The following TUBGCP4 variants were observed in gnomAD, a reference collection of about 807,000 sequenced individuals.
TUBGCP4 encodes tubulin gamma complex component 4.
TUBGCP4 carries 54 observed loss-of-function variants against 91.6 expected under a neutral mutation model. That is an observed-to-expected ratio of 0.59 (90% CI 0.47 to 0.74). The LOEUF is 0.74. TUBGCP4 is among the 30% of genes least tolerant of loss of function. The pLI is 0.00. For missense variants in TUBGCP4, 593 were observed against 800.9 expected (o/e 0.74, Z 3.13); for synonymous variants, 297 against 302.8 (o/e 0.98, Z 0.20).
At chr15:43,377,107 A>C (rs773542953) in intron 4 of TUBGCP4, 40 bp downstream of exon 4, 2 of 1,520,348 alleles carry the variant, frequency 1.3e-6, no homozygotes, top group Non-Finnish European at 1.8e-6. Context: ...CAATCTGTTG[A>C]TAGTGTTAGA....
At chr15:43,386,442 TGGTC>T (rs1456136262) in intron 9 of TUBGCP4, 112 bp downstream of exon 9, 3 of 148,698 alleles carry the variant, frequency 2.0e-5, no homozygotes, top group African/African-American at 8.1e-5. Flanking sequence ...TTGAGTTACT[TGGTC>T]GGGCGCAGTG....
rs2044644237 is a variant in TUBGCP4, at chr15:43,400,039, C to G, written c.1419-5C>G. 6.2e-7 allele frequency: 1 copy of G among 1,604,648 alleles called. No homozygotes were observed. The highest frequency in any genetic ancestry group is 1.3e-5 in the African/African-American group (1 of 74,804). ...GTCTTGAATATCCTGTTATTTCTGT[C>G]CTAGGTACAATGTTGTTTTTAAGTA... is the stretch of plus-strand genomic sequence containing the variant. On this transcript the variant is annotated splice_region_variant and splice_polypyrimidine_tract_variant and intron_variant, in intron 13 of 17. Transcript: ENST00000564079.
At chr15:43,382,954 C>T (rs1471389485) in intron 6 of TUBGCP4, among the ~76,000 whole-genome samples, 1 of 152,200 alleles carries the variant, frequency 6.6e-6, no homozygotes, top group East Asian at 1.9e-4. Context: ...CAAAAAGAGA[C>T]TCCATTAAGT....
In TUBGCP4 at chr15:43,407,968, C is replaced by T. The variant is rs749743816; in HGVS notation, c.*2754C>T. 2 of 1,613,554 alleles carry T rather than the reference C, an allele frequency of 1.2e-6. No individual in the cohort carries two copies. Among genetic ancestry groups the T allele is most frequent in the Admixed American group, 1.7e-5 (1 of 60,008 alleles). On this transcript the variant is annotated 3_prime_UTR_variant, in exon 18 of 18. Coordinates refer to ENST00000564079, the MANE Select transcript of TUBGCP4 (RefSeq NM_014444.5). Reference sequence around the variant, plus strand: ...CTTTGTTATGGGCACTTGAATGGTGCTGCTTCACAGAGGCTGCACCACCAG... The same window carrying T: ...CTTTGTTATGGGCACTTGAATGGTGTTGCTTCACAGAGGCTGCACCACCAG...
Position 43,405,537 on chromosome 15 carries a change from G to A in TUBGCP4, c.*323G>A, listed in dbSNP as rs540085911. 8.4e-5 allele frequency: 28 copies of A among 335,228 alleles called. No homozygotes were observed. Among genetic ancestry groups the A allele is most frequent in the Non-Finnish European group, 1.3e-4 (24 of 183,410 alleles). 20.8% of individuals were successfully genotyped at this position (335,228 alleles called of 1,614,324 possible). A position where few individuals can be genotyped will look rare whatever the true frequency, so the allele number is the denominator to read the frequency against. ...CCTTGGTACTGTTCAAGCTGTGGGA[G>A]ATACAGCGGTAAACAAACAATATAG... On this transcript the variant is annotated 3_prime_UTR_variant, in exon 18 of 18. Coordinates refer to ENST00000564079, the MANE Select transcript of TUBGCP4 (RefSeq NM_014444.5).
In TUBGCP4 at chr15:43,407,895, C is replaced by G. The variant is rs12593128; in HGVS notation, c.*2681C>G. 9.5e-6 allele frequency: 15 copies of G among 1,574,856 alleles called. No individual in the cohort carries two copies. The highest frequency in any genetic ancestry group is 4.0e-5 in the African/African-American group (3 of 74,320). ...ACCACAAGGCCTAACACCTACAGGT[C>G]TAAGGAGATCCCTGGAACAAAGACA... On this transcript the variant is annotated 3_prime_UTR_variant, in exon 18 of 18. Transcript: ENST00000564079.
At chr15:43,389,009 C>A (rs2044425776) in intron 9 of TUBGCP4, among the ~76,000 whole-genome samples, 1 of 152,042 alleles carries the variant, frequency 6.6e-6, no homozygotes, top group Non-Finnish European at 1.5e-5. Flanking sequence ...CTATATTTGC[C>A]TTTGAGTCAA....
chr15:43,375,378 A>G (rs2044190735), intron 1 of TUBGCP4, among the ~76,000 whole-genome samples: 1 of 152,206 alleles, frequency 6.6e-6, no homozygotes, highest in Non-Finnish European at 1.5e-5. Context: ...TGAACTATAT[A>G]CTTAAAATAG....
intron 6 of TUBGCP4, among the ~76,000 whole-genome samples, chr15:43,381,165 C>G (rs1216672247): frequency 6.6e-6 from 1 of 152,156 alleles, no homozygotes; most frequent in Admixed American, 6.5e-5. Flanking sequence ...CAGAACATTC[C>G]TTAGGGACTT....
At chr15:43,399,895 T>G (rs936355759) in intron 13 of TUBGCP4, 149 bp from the exon 14 acceptor site, 3 of 542,492 alleles carry the variant, frequency 5.5e-6, no homozygotes. Context: ...ATAAATAAAT[T>G]ATAATTTATT....
intron 17 of TUBGCP4, 44 bp from the exon 18 acceptor site, chr15:43,405,158 T>TG: frequency 6.2e-7 from 1 of 1,612,076 alleles, no homozygotes; most frequent in Non-Finnish European, 8.5e-7. Flanking sequence ...AAGGTAGTCT[T>TG]GGGAAAGCAT....
intron 16 of TUBGCP4, 185 bp from the exon 17 acceptor site, chr15:43,404,228 C>A: frequency 1.6e-6 from 1 of 618,716 alleles, no homozygotes; most frequent in Non-Finnish European, 2.8e-6. Context: ...CATAGGAAGT[C>A]ATGCATGTAT....
Position 43,386,344 on chromosome 15 carries a change from CG to C in TUBGCP4, c.1014+15del. 4.1e-6 allele frequency: 1 copy of C among 243,222 alleles called. No individual in the cohort carries two copies. The highest frequency in any genetic ancestry group is 6.6e-6 in the Non-Finnish European group (1 of 151,012). The allele number at this position is 243,222 out of a possible 1,614,324, so 15.1% of individuals were successfully genotyped here. A position where few individuals can be genotyped will look rare whatever the true frequency, so the allele number is the denominator to read the frequency against. On this transcript the variant is annotated intron_variant, in intron 9 of 17. Coordinates refer to ENST00000564079, the MANE Select transcript of TUBGCP4 (RefSeq NM_014444.5). ...ACTGTGGCTGAGGTTTGTGTTTCAT[CG>C]TATATATATATATATATATATATAT...
Position 43,401,709 on chromosome 15 carries a change from C to CT in TUBGCP4, c.1597-6dup, listed in dbSNP as rs754386375. 1.2e-6 allele frequency: 2 copies of CT among 1,613,634 alleles called. No homozygotes were observed. Among genetic ancestry groups the CT allele is most frequent in the Middle Eastern group, 1.7e-4 (1 of 6,058 alleles). ...AAAGTGCTAAAATTTTTTGTAATGT[C>CT]TATCAGGTAGATGTGTTGGAGTCTC... On this transcript the variant is annotated splice_region_variant and splice_polypyrimidine_tract_variant and intron_variant, in intron 14 of 17. Coordinates refer to ENST00000564079, the MANE Select transcript of TUBGCP4 (RefSeq NM_014444.5).
intron 1 of TUBGCP4, among the ~76,000 whole-genome samples, chr15:43,373,874 G>A (rs907591246): frequency 7.2e-5 from 11 of 152,104 alleles, no homozygotes; most frequent in Admixed American, 2.6e-4. Context: ...GGATGGTCTC[G>A]ATCTCCTGAC....
intron 2 of TUBGCP4, 36 bp downstream of exon 2, chr15:43,376,262 G>GGGCAGGAGCTAT: frequency 6.2e-7 from 1 of 1,611,088 alleles, no homozygotes; most frequent in Middle Eastern, 1.7e-4. Context: ...CACCTCTAGA[G>GGGCAGGAGCTAT]GGCAGGAGCT....
At position 43,407,299 on chromosome 15, in the gene TUBGCP4, A is replaced by AGTT; in HGVS notation, c.*2086_*2088dup. The AGTT allele has an allele frequency of 8.6e-7, 1 of 1,160,272 alleles. No individual in the cohort carries two copies. Among genetic ancestry groups the AGTT allele is most frequent in the Non-Finnish European group, 1.3e-6 (1 of 794,592 alleles). The allele number at this position is 1,160,272 out of a possible 1,614,324, so 71.9% of individuals were successfully genotyped here. On this transcript the variant is annotated 3_prime_UTR_variant, in exon 18 of 18. Transcript: ENST00000564079. ...TATACAAGATCCATGCAAGGAATCC[A>AGTT]GTTACACACAAGACACATTTAAAAC...
Position 43,407,317 on chromosome 15 carries a change from TTTAAAACCTGG to T in TUBGCP4, c.*2111_*2121del. ...GGAATCCAGTTACACACAAGACACA[TTTAAAACCTGG>T]TTAAAACACAATCTCCACGATAGCA... On this transcript the variant is annotated 3_prime_UTR_variant, in exon 18 of 18. Transcript: ENST00000564079. The T allele has an allele frequency of 6.9e-7, 1 of 1,457,444 alleles. No individual in the cohort carries two copies. Among genetic ancestry groups the T allele is most frequent in the Non-Finnish European group, 9.5e-7 (1 of 1,050,282 alleles). 90.3% of individuals were successfully genotyped at this position (1,457,444 alleles called of 1,614,324 possible).
At chr15:43,383,073 C>G (rs2044307755) in intron 6 of TUBGCP4, among the ~76,000 whole-genome samples, 1 of 152,168 alleles carries the variant, frequency 6.6e-6, no homozygotes, top group Non-Finnish European at 1.5e-5. Context: ...AAGAAAATGT[C>G]TTCCCTAAAA....
Sources: allele counts gnomAD v4.1 joint callset (sites outside exome capture counted in the v4.1 genomes callset), GRCh38; gene constraint gnomAD v4.1.1; transcripts MANE v1.5; gene names NCBI Gene and HGNC (gene_info 2026-07-23, HGNC 2026-07-21).